The following NOD1 variants were observed in gnomAD, a reference collection of about 807,000 sequenced individuals.
NOD1 encodes the protein nucleotide binding oligomerization domain containing 1.
Under a neutral mutation model 81.2 loss-of-function variants are expected in NOD1, and 70 were observed. The ratio of observed to expected loss-of-function variants is 0.86; its 90% CI spans 0.71 to 1.05. The LOEUF (loss-of-function observed/expected upper bound fraction) is 1.05. Ranked by LOEUF, NOD1 falls within the 50% of genes least tolerant of loss-of-function variation. The pLI is 0.00. For synonymous variants in NOD1, 508 were observed against 526.9 expected (o/e 0.96, Z 0.49); for missense variants, 1,233 against 1,228.0 (o/e 1.00, Z -0.06).
At chr7:30,438,181 C>T (rs998730466) in intron 9 of NOD1, among the ~76,000 whole-genome samples, 6 of 152,176 alleles carry the variant, frequency 3.9e-5, no homozygotes, top group Admixed American at 3.9e-4. Flanking sequence ...ATAAAGAGGA[C>T]GTTACCCAAC....
rs1489511465 is a variant in NOD1, at chr7:30,467,982, G to A, written c.-351-7941C>T. On this transcript the variant is annotated intron_variant, in intron 1 of 13. Coordinates refer to ENST00000222823, the MANE Select transcript of NOD1 (RefSeq NM_006092.4). The surrounding 1 kb of genome is among the most constrained non-coding windows in gnomAD (Gnocchi z 4.5). The stretch of plus-strand genomic sequence containing the variant: ...CTCCCAAAGTGCTAGGATTACAGGA[G>A]TGAGCCACCGCACCCGGCCTATATT... 1.3e-5 allele frequency among the ~76,000 whole-genome samples: 2 copies of A among 152,128 alleles called. No homozygotes were observed. The highest frequency in any genetic ancestry group is 2.9e-5 in the Non-Finnish European group (2 of 68,018).
chr7:30,474,041 C>T (rs1583898256), intron 1 of NOD1, among the ~76,000 whole-genome samples: 1 of 152,274 alleles, frequency 6.6e-6, no homozygotes, highest in East Asian at 1.9e-4. Context: ...TAGGGTCTAC[C>T]AGATCAGGCC....
chr7:30,474,246 T>G (rs1338425848), intron 1 of NOD1, among the ~76,000 whole-genome samples: 1 of 152,214 alleles, frequency 6.6e-6, no homozygotes, highest in Non-Finnish European at 1.5e-5. Context: ...TAATCATGAC[T>G]TACTAGAAGC....
intron 6 of NOD1, 85 bp from the exon 7 acceptor site, chr7:30,448,466 T>C: frequency 1.0e-5 from 12 of 1,178,694 alleles, no homozygotes; most frequent in Non-Finnish European, 1.5e-5. Context: ...CCAGAAGCCT[T>C]CAGGCCCTGG....
rs550842048 is a variant in NOD1, at chr7:30,477,749, G to A, written c.-352+857C>T. 4.0e-5 allele frequency among the ~76,000 whole-genome samples: 6 copies of A among 148,600 alleles called. No individual in the cohort carries two copies. In the East Asian group the frequency reaches 5.9e-4, roughly 15 times the overall value. On this transcript the variant is annotated intron_variant, in intron 1 of 13. Transcript: ENST00000222823. ...TGGGCCAGGCTGGTCTCGAACTCTC[G>A]ACCTCAGGTGATCCGCCTGCCTTGG...
chr7:30,428,870 CTT>C (rs1006861455), intron 13 of NOD1, among the ~76,000 whole-genome samples: 2 of 152,082 alleles, frequency 1.3e-5, no homozygotes, highest in African/African-American at 4.8e-5. Context: ...GTAAAGCAAA[CTT>C]TTTTTCTTCT....
intron 12 of NOD1, among the ~76,000 whole-genome samples, chr7:30,431,565 G>GT (rs1474127373): frequency 6.6e-6 from 1 of 152,224 alleles, no homozygotes; most frequent in Non-Finnish European, 1.5e-5. Context: ...TGTTCAACAC[G>GT]TGGTGCTGCC....
rs376181578 is a variant in NOD1, at chr7:30,452,469, G to T, written c.948C>A (p.Asn316Lys). Residue 316 changes from asparagine to lysine, a missense_variant, in exon 6 of 14, where the codon AAC becomes AAA. Transcript: ENST00000222823. Reference sequence around the variant, plus strand: ...CCTTGAGCAGCTTCCCACTGAGCAGGTTGGCCAGCAAGACCAGGGGGTGGG... The same window carrying T: ...CCTTGAGCAGCTTCCCACTGAGCAGTTTGGCCAGCAAGACCAGGGGGTGGG... ...EPAHPLVLLANLLSGKLLKGA... is the reference protein window; with the variant it reads ...EPAHPLVLLAKLLSGKLLKGA... The T allele has an allele frequency of 1.4e-5, 22 of 1,613,308 alleles. No individual in the cohort carries two copies. In the Admixed American group the frequency reaches 3.5e-4, roughly 26 times the overall value.
intron 6 of NOD1, among the ~76,000 whole-genome samples, chr7:30,449,487 T>C (rs779540294): frequency 6.6e-6 from 1 of 152,148 alleles, no homozygotes; most frequent in Non-Finnish European, 1.5e-5. Context: ...CTCTCAATCT[T>C]TGCCCTTCCT....
At chr7:30,435,782 A>G (rs1784328443) in intron 11 of NOD1, among the ~76,000 whole-genome samples, 1 of 151,926 alleles carries the variant, frequency 6.6e-6, no homozygotes, top group Non-Finnish European at 1.5e-5. Flanking sequence ...AACATAGCAA[A>G]ACCCCATCTC....
At chr7:30,462,855 AG>A (rs1787265871) in intron 1 of NOD1, among the ~76,000 whole-genome samples, 1 of 151,666 alleles carries the variant, frequency 6.6e-6, no homozygotes, top group Non-Finnish European at 1.5e-5. Flanking sequence ...AGGCTGAGGC[AG>A]GAGAATTGGT....
intron 6 of NOD1, among the ~76,000 whole-genome samples, chr7:30,448,895 C>T (rs186927372): frequency 1.5e-4 from 23 of 152,178 alleles, no homozygotes; most frequent in Non-Finnish European, 8.8e-5. Flanking sequence ...CAGCTTCCCC[C>T]CATCCAGAAA....
At chr7:30,446,695 A>G (rs1014053345) in intron 8 of NOD1, 21 of 446,458 alleles carry the variant, frequency 4.7e-5, no homozygotes, top group African/African-American at 3.8e-4. Flanking sequence ...TTGGGGCAAA[A>G]AGACCACCAG....
At chr7:30,429,723 G>A (rs1273475780) in intron 12 of NOD1, among the ~76,000 whole-genome samples, 3 of 152,208 alleles carry the variant, frequency 2.0e-5, no homozygotes, top group African/African-American at 7.2e-5. Context: ...ATTTTTCACT[G>A]CAGAGGTGCA....
intron 13 of NOD1, among the ~76,000 whole-genome samples, chr7:30,426,498 G>A (rs956947846): frequency 6.6e-6 from 1 of 151,780 alleles, no homozygotes; most frequent in African/African-American, 2.4e-5. Context: ...CCCTGCATCA[G>A]TACAATGTCC....
intron 12 of NOD1, among the ~76,000 whole-genome samples, chr7:30,430,769 G>T (rs1783882083): frequency 6.6e-6 from 1 of 152,196 alleles, no homozygotes. Context: ...GTGTCCAGGG[G>T]GAAGGGAGCT....
intron 5 of NOD1, among the ~76,000 whole-genome samples, chr7:30,453,832 C>T (rs908559657): frequency 5.3e-5 from 8 of 152,234 alleles, no homozygotes; most frequent in African/African-American, 1.9e-4. Flanking sequence ...CCGTAGGCAA[C>T]TACTGATTTG....
intron 10 of NOD1, among the ~76,000 whole-genome samples, chr7:30,436,429 C>G (rs1784383107): frequency 6.6e-6 from 1 of 152,252 alleles, no homozygotes; most frequent in Admixed American, 6.5e-5. Context: ...GGTACCCCAT[C>G]TGCAAGACCT....
chr7:30,429,018 A>C (rs1431119512), intron 13 of NOD1, among the ~76,000 whole-genome samples: 2 of 152,230 alleles, frequency 1.3e-5, no homozygotes, highest in African/African-American at 4.8e-5. Flanking sequence ...CAACACAGTC[A>C]TCTCTCAATT....
Sources: gnomAD v4.1 joint callset for allele counts (sites outside exome capture counted in the v4.1 genomes callset) on GRCh38, gnomAD v4.1.1 for gene constraint, Gnocchi (gnomAD v3.1) non-coding constraint, MANE v1.5 for transcripts, NCBI Gene and HGNC (gene_info 2026-07-23, HGNC 2026-07-21) for gene names.